The following TOP1MT variants were observed in gnomAD, a reference collection of about 807,000 sequenced individuals.
The protein encoded by TOP1MT is DNA topoisomerase I mitochondrial.
Under a neutral mutation model 73.9 loss-of-function variants are expected in TOP1MT, and 80 were observed. That is an observed-to-expected ratio of 1.08 (90% CI 0.90 to 1.30). TOP1MT has a LOEUF of 1.30. Ranked by LOEUF, TOP1MT falls within the 50% of genes most tolerant of loss-of-function variation. The pLI is 0.00. For missense variants in TOP1MT, 815 were observed against 808.0 expected (o/e 1.01, Z -0.10); for synonymous variants, 338 against 326.4 (o/e 1.04, Z -0.38).
At chr8:143,323,196 C>CCA (rs1462167289) in intron 7 of TOP1MT, among the ~76,000 whole-genome samples, 8 of 116,138 alleles carry the variant, frequency 6.9e-5, no homozygotes, top group African/African-American at 1.8e-4. Flanking sequence ...CACACGCATG[C>CCA]CACACACAGG....
intron 2 of TOP1MT, among the ~76,000 whole-genome samples, chr8:143,330,892 G>A (rs910780925): frequency 9.0e-5 from 13 of 145,140 alleles, no homozygotes; most frequent in Admixed American, 7.0e-5. Flanking sequence ...TACACGCAGT[G>A]TACGTACTGT....
At chr8:143,317,016 G>A (rs1816182482) in intron 10 of TOP1MT, among the ~76,000 whole-genome samples, 1 of 152,220 alleles carries the variant, frequency 6.6e-6, no homozygotes, top group South Asian at 2.1e-4. Context: ...GGGCAGCACA[G>A]CACCGGCCTC....
intron 1 of TOP1MT, chr8:143,343,979 T>C (rs1166469596): frequency 6.6e-6 from 1 of 152,294 alleles, no homozygotes; most frequent in African/African-American, 2.4e-5. Context: ...GGAGACACAG[T>C]GAAACACGCG....
chr8:143,350,544 C>G (rs1817303472), intron 1 of TOP1MT, among the ~76,000 whole-genome samples: 1 of 152,200 alleles, frequency 6.6e-6, no homozygotes, highest in Admixed American at 6.5e-5. Context: ...GTTGGCCAGG[C>G]TGGCCTCGAA....
rs1816636205 is a variant in TOP1MT at position 143,324,083 on chromosome 8, C to T, written c.876G>A (p.Glu292=). Residue 292 remains glutamate (E), a synonymous_variant, in exon 7 of 14, where the codon GAG becomes GAA. Coordinates refer to ENST00000329245, the MANE Select transcript of TOP1MT (RefSeq NM_052963.3). ...TARRLRGFVD[E]IRSQYRADWK... ...AGTCAGCCCGGTACTGGGAGCGGAT[C>T]TCGTCCACAAATCCCCGCAGGCGTC... 1.2e-6 allele frequency: 2 copies of T among 1,613,936 alleles called. No homozygotes were observed. The highest frequency in any genetic ancestry group is 4.5e-5 in the East Asian group (2 of 44,888).
upstream of TOP1MT, among the ~76,000 whole-genome samples, chr8:143,358,904 G>A (rs531896949): frequency 2.0e-5 from 3 of 152,334 alleles, no homozygotes; most frequent in African/African-American, 7.2e-5. Context: ...AGGCTCACTA[G>A]AAAGTTTCCA....
At chr8:143,346,572 G>A (rs1008476586), upstream of TOP1MT, among the ~76,000 whole-genome samples, 13 of 152,268 alleles carry the variant, frequency 8.5e-5, no homozygotes, top group Admixed American at 2.0e-4. Flanking sequence ...ACTAGAGCCC[G>A]GGAACTGGAA....
chr8:143,349,353 G>A (rs932191171), upstream of TOP1MT, among the ~76,000 whole-genome samples: 2 of 133,250 alleles, frequency 1.5e-5, no homozygotes, highest in Non-Finnish European at 3.0e-5. Context: ...ATGACCTGCT[G>A]CAACCTTACA....
At chr8:143,355,348 G>C (rs1430511283) in intron 1 of TOP1MT, 6 of 152,194 alleles carry the variant, frequency 3.9e-5, no homozygotes, top group Non-Finnish European at 7.3e-5. Context: ...GCGAATGGAT[G>C]CATGCAGCCT....
upstream of TOP1MT, among the ~76,000 whole-genome samples, chr8:143,345,973 T>C (rs1231244869): frequency 6.6e-6 from 1 of 151,952 alleles, no homozygotes; most frequent in Non-Finnish European, 1.5e-5. Context: ...GATGGTCGAG[T>C]GTGTGTGGAC....
Position 143,324,048 on chromosome 8 carries a change from C to T in TOP1MT, c.911G>A (p.Arg304Gln), listed in dbSNP as rs201977682. 174 of 1,613,752 alleles carry T rather than the reference C, an allele frequency of 1.1e-4. No individual in the cohort carries two copies. Among genetic ancestry groups the T allele is most frequent in the Non-Finnish European group, 1.3e-4 (158 of 1,180,046 alleles). Residue 304 changes from arginine to glutamine, a missense_variant, in exon 7 of 14, where the codon CGG becomes CAG. Coordinates refer to ENST00000329245, the MANE Select transcript of TOP1MT (RefSeq NM_052963.3). ...RSQYRADWKS[R>Q]EMKTRQRAVA... ...CGCCCGCTGTCTCGTCTTCATTTCC[C>T]GAGACTTCCAGTCAGCCCGGTACTG...
rs1161979950 is a variant in TOP1MT, at chr8:143,324,573, T to C, written c.728A>G (p.Asp243Gly). 1 of 1,613,782 alleles carries C rather than the reference T, an allele frequency of 6.2e-7. No individual in the cohort carries two copies. Among genetic ancestry groups the C allele is most frequent in the East Asian group, 2.2e-5 (1 of 44,886 alleles). The change falls in exon 6 of 14, where the codon GAT becomes GGT. Residue 243 changes from aspartate to glycine, a missense_variant. By Grantham distance (94) the Asp-to-Gly change is moderately conservative. Around this residue, in one of 3 missense-constraint regions of TOP1MT, gnomAD observed 751 missense variants for 725.4 expected, o/e 1.04. Transcript: ENST00000329245. ...AGHQWKEVRS[D>G]NTVTWLAAWT... ...AGCTGCCAGCCACGTGACGGTGTTA[T>C]CGGAGCGCACCTCCTTCCACTGGTG...
intron 3 of TOP1MT, 105 bp downstream of exon 3, chr8:143,329,245 G>T: frequency 7.7e-7 from 1 of 1,291,500 alleles, no homozygotes; most frequent in Non-Finnish European, 1.0e-6. Flanking sequence ...GTCACACAGG[G>T]GCCACCGAGA....
chr8:143,309,572 G>A, intron 13 of TOP1MT, 29 bp from the exon 14 acceptor site: 1 of 1,611,876 alleles, frequency 6.2e-7, no homozygotes, highest in African/African-American at 1.3e-5. Flanking sequence ...GCCCAGGCAA[G>A]CAGGCAACTC....
intron 5 of TOP1MT, 135 bp downstream of exon 5, chr8:143,325,211 C>T (rs1271439458): frequency 4.8e-6 from 4 of 840,152 alleles, no homozygotes; most frequent in Admixed American, 3.0e-5. Flanking sequence ...ACAGGCTGAG[C>T]TCCACAGGAA....
rs77796821 is a variant in TOP1MT, at chr8:143,340,234, T to C, written c.29+2986A>G. ...CACAGCATTCCCCCCCTCCCAGCACTGGTCTACACAGCATTCCCACACTCC... is the reference window on the plus strand; with the variant it reads ...CACAGCATTCCCCCCCTCCCAGCACCGGTCTACACAGCATTCCCACACTCC... On this transcript the variant is annotated intron_variant, in intron 2 of 5. Transcript: ENST00000518007. Among the ~76,000 whole-genome samples the C allele has an allele frequency of 4.4e-4, 10 of 22,944 alleles. 2 individuals are homozygous for C. Among genetic ancestry groups the C allele is most frequent in the Non-Finnish European group, 1.0e-3 (6 of 5,732 alleles). 15.1% of individuals were successfully genotyped at this position (22,944 alleles called of 152,430 possible).
intron 1 of TOP1MT, among the ~76,000 whole-genome samples, chr8:143,351,542 C>G (rs765085295): frequency 1.3e-5 from 2 of 149,354 alleles, no homozygotes; most frequent in Non-Finnish European, 3.0e-5. Context: ...ATCATGCCAC[C>G]GCACTCCAGT....
chr8:143,334,791 G>T lies in TOP1MT; in HGVS notation c.71C>A (p.Ala24Asp), dbSNP rs1586774952. The T allele has an allele frequency of 6.3e-7, 1 of 1,586,336 alleles. No individual in the cohort carries two copies. Reference sequence around the variant, plus strand: ...GCGCGAGCCCGGGACACCCCGGGAGGCCGGGCGGCGGGGGACCTCCCCGAG... The same window carrying T: ...GCGCGAGCCCGGGACACCCCGGGAGTCCGGGCGGCGGGGGACCTCCCCGAG... ...TLLGEVPRRP[A>D]SRGVPGSRRT... Residue 24 changes from alanine (A) to aspartate (D), a missense_variant, in exon 1 of 14, where the codon GCC becomes GAC. Physicochemically the swap from Ala to Asp is moderately radical, Grantham distance 126. Coordinates refer to ENST00000329245, the MANE Select transcript of TOP1MT (RefSeq NM_052963.3).
chr8:143,334,766 G>C lies in TOP1MT; in HGVS notation c.96C>G (p.Arg32=). The part of the protein sequence containing the change: ...RPASRGVPGS[R]RTQKGSGARW... ...TGGCTCCACTGCCCTTCTGCGTCCT[G>C]CGCGAGCCCGGGACACCCCGGGAGG... The change falls in exon 1 of 14, where the codon CGC becomes CGG. Residue 32 remains arginine (R), a synonymous_variant. Transcript: ENST00000329245. 1 of 1,596,248 alleles carries C rather than the reference G, an allele frequency of 6.3e-7. No individual in the cohort carries two copies. The highest frequency in any genetic ancestry group is 2.4e-5 in the East Asian group (1 of 41,920).
Sources: gnomAD v4.1 joint callset for allele counts (sites outside exome capture counted in the v4.1 genomes callset) on GRCh38, gnomAD v4.1.1 for gene constraint, gnomAD v4.1.1 regional missense constraint, MANE v1.5 for transcripts, NCBI Gene and HGNC (gene_info 2026-07-23, HGNC 2026-07-21) for gene names.